Variants in CLTC observed in about 807,000 individuals in gnomAD.
CLTC encodes clathrin heavy chain 1.
In CLTC, 16 loss-of-function variants were observed where a neutral mutation model predicts 195.8. The observed-to-expected ratio is 0.08, with a 90% CI of 0.06 to 0.12. CLTC has a LOEUF of 0.12. Among genes scored for constraint, CLTC ranks in the 10% least tolerant of loss-of-function variants. The pLI is 1.00. For synonymous variants in CLTC, 667 were observed against 689.4 expected (o/e 0.97, Z 0.51); for missense variants, 796 against 2,027.0 (o/e 0.39, Z 11.66).
intron 3 of CLTC, among the ~76,000 whole-genome samples, 187 bp downstream of exon 3, chr17:59,647,853 C>A (rs564207186): frequency 6.6e-6 from 1 of 151,954 alleles, no homozygotes; most frequent in Non-Finnish European, 1.5e-5. Flanking sequence ...TCTTCTTCCT[C>A]GCTCCCTTGC....
chr17:59,671,311 T>A (rs569114197), intron 14 of CLTC, among the ~76,000 whole-genome samples: 2 of 152,168 alleles, frequency 1.3e-5, no homozygotes, highest in African/African-American at 2.4e-5. Flanking sequence ...AGTGAACTTA[T>A]TAGATTCCTT....
chr17:59,654,765 G>A (rs2032423637), intron 5 of CLTC, among the ~76,000 whole-genome samples: 1 of 152,242 alleles, frequency 6.6e-6, no homozygotes, highest in African/African-American at 2.4e-5. Flanking sequence ...ACAGGCATTA[G>A]CCACTGCACT....
rs1255537036 is a variant in CLTC, at chr17:59,683,283, A to C, written c.4041+21A>C. The C allele has an allele frequency of 1.2e-6, 2 of 1,611,750 alleles. No individual in the cohort carries two copies. Among genetic ancestry groups the C allele is most frequent in the South Asian group, 2.2e-5 (2 of 90,994 alleles). On this transcript the variant is annotated intron_variant, in intron 25 of 31. Transcript: ENST00000269122. This position sits in a 1 kb window ranked among gnomAD's most constrained non-coding sequence, Gnocchi z 6.1. Reference sequence around the variant, plus strand: ...CCAAGGTAACCAGTCATTGTAACACAGTGAAGCAACTGTGTAGTTAAAACT... The same window carrying C: ...CCAAGGTAACCAGTCATTGTAACACCGTGAAGCAACTGTGTAGTTAAAACT...
intron 1 of CLTC, among the ~76,000 whole-genome samples, chr17:59,632,796 T>A (rs1029955302): frequency 1.3e-5 from 2 of 152,208 alleles, no homozygotes; most frequent in Non-Finnish European, 2.9e-5. Flanking sequence ...CTTCACTTGT[T>A]TTTAGAAGAC....
intron 5 of CLTC, among the ~76,000 whole-genome samples, chr17:59,655,329 TC>T (rs2032438796): frequency 6.6e-6 from 1 of 152,184 alleles, no homozygotes; most frequent in East Asian, 1.9e-4. Context: ...ATTTATCAGT[TC>T]AGTTTGCTGT....
chr17:59,673,322 T>C (rs2032895486), intron 14 of CLTC, among the ~76,000 whole-genome samples: 1 of 152,208 alleles, frequency 6.6e-6, no homozygotes, highest in African/African-American at 2.4e-5. Flanking sequence ...GGTAGAAGTG[T>C]TATTACCAGT....
intron 10 of CLTC, among the ~76,000 whole-genome samples, chr17:59,665,574 C>G (rs916623132): frequency 6.6e-6 from 1 of 152,058 alleles, no homozygotes; most frequent in Non-Finnish European, 1.5e-5. Context: ...TGCGGTGGCT[C>G]AGGCCTGTAA....
At chr17:59,684,816 G>GAAAAAAAAAAAAAAAAAAAAAAAAAA (rs61595408) in intron 28 of CLTC, among the ~76,000 whole-genome samples, 1 of 146,324 alleles carries the variant, frequency 6.8e-6, no homozygotes, top group African/African-American at 2.5e-5. Context: ...CAAAAAAAAA[G>GAAAAAAAAAAAAAAAAAAAAAAAAAA]AAAAAAATCT....
At chr17:59,664,052 T>C in intron 9 of CLTC, 58 bp downstream of exon 9, 1 of 1,417,022 alleles carries the variant, frequency 7.1e-7, no homozygotes, top group Non-Finnish European at 9.8e-7. Flanking sequence ...ACAGAGAAAT[T>C]AGCCTGTATT....
intron 1 of CLTC, among the ~76,000 whole-genome samples, chr17:59,634,244 G>T (rs975418356): frequency 7.2e-5 from 11 of 152,026 alleles, no homozygotes; most frequent in Non-Finnish European, 1.0e-4. Flanking sequence ...GGTAGGTTTG[G>T]ATATATTCTG....
At chr17:59,692,971 T>C (rs1286720546) in intron 31 of CLTC, among the ~76,000 whole-genome samples, 2 of 152,180 alleles carry the variant, frequency 1.3e-5, no homozygotes, top group East Asian at 1.9e-4. Context: ...AACTGCTGTC[T>C]CTAAATTAGT....
Position 59,660,594 on chromosome 17 carries a change from GAGT to G in CLTC, c.1167+7_1167+9del. On this transcript the variant is annotated splice_region_variant and intron_variant, in intron 7 of 31. Coordinates refer to ENST00000269122, the MANE Select transcript of CLTC (RefSeq NM_004859.4). ...TGGCTGCTAATGCACCAAAGGTAAA[GAGT>G]TATGAAAATGAAGTTGTCATGACAT... 1 of 1,613,576 alleles carries G rather than the reference GAGT, an allele frequency of 6.2e-7. No individual in the cohort carries two copies. Among genetic ancestry groups the G allele is most frequent in the Non-Finnish European group, 8.5e-7 (1 of 1,179,520 alleles).
At position 59,666,206 on chromosome 17, in the gene CLTC, G is replaced by A; in HGVS notation, c.1748G>A (p.Arg583Gln). 6.2e-7 allele frequency: 1 copy of A among 1,613,950 alleles called. No homozygotes were observed. The highest frequency in any genetic ancestry group is 8.5e-7 in the Non-Finnish European group (1 of 1,179,936). The change falls in exon 11 of 32, where the codon CGG becomes CAG. Residue 583 changes from arginine (R) to glutamine (Q), a missense_variant. Transcript: ENST00000269122. This position sits in a 1 kb window ranked among gnomAD's most constrained non-coding sequence, Gnocchi z 4.9. ...CCATCTGAAGGTCCTTTACAGACGC[G>A]GTTACTTGAGATGAACCTTATGCAT... is the stretch of plus-strand genomic sequence containing the variant. Reference protein sequence around the residue: ...NRPSEGPLQTRLLEMNLMHAP... With the variant: ...NRPSEGPLQTQLLEMNLMHAP...
At chr17:59,665,411 A>G (rs2032706814) in intron 10 of CLTC, among the ~76,000 whole-genome samples, 1 of 152,196 alleles carries the variant, frequency 6.6e-6, no homozygotes, top group Non-Finnish European at 1.5e-5. Flanking sequence ...TATTAAAAAT[A>G]TGAAAAATAC....
At position 59,683,080 on chromosome 17, in the gene CLTC, A is replaced by G. The variant is rs1236917352; in HGVS notation, c.3874-15A>G. 1.2e-6 allele frequency: 2 copies of G among 1,613,966 alleles called. No individual in the cohort carries two copies. The highest frequency in any genetic ancestry group is 1.1e-5 in the South Asian group (1 of 91,086). The stretch of plus-strand genomic sequence containing the variant: ...TAGATATTCTTATCTTTAACTGCAC[A>G]TTTCTCTTGTTCAGGATCGTGGCTA... On this transcript the variant is annotated splice_polypyrimidine_tract_variant and intron_variant, in intron 24 of 31. Coordinates refer to ENST00000269122, the MANE Select transcript of CLTC (RefSeq NM_004859.4). This position sits in a 1 kb window ranked among gnomAD's most constrained non-coding sequence, Gnocchi z 6.1.
rs758413979 is a variant in CLTC at position 59,695,825 on chromosome 17, C to T, written c.*1973C>T. ...GCTTTTGCACCCTCAGTGCAAATAT[C>T]AACACAGAGAAAAAAAAAATAATAA... On this transcript the variant is annotated 3_prime_UTR_variant, in exon 32 of 32. Coordinates refer to ENST00000269122, the MANE Select transcript of CLTC (RefSeq NM_004859.4). 1.8e-5 allele frequency: 3 copies of T among 162,378 alleles called. No homozygotes were observed. Among genetic ancestry groups the T allele is most frequent in the Non-Finnish European group, 3.7e-5 (3 of 81,944 alleles). The allele number at this position is 162,378 out of a possible 1,614,324, so 10.1% of individuals were successfully genotyped here.
chr17:59,661,728 A>T lies in CLTC; in HGVS notation c.1368+85A>T. 4 of 1,105,026 alleles carry T rather than the reference A, an allele frequency of 3.6e-6. No individual in the cohort carries two copies. In the South Asian group the frequency reaches 5.2e-5, roughly 14 times the overall value. 68.5% of individuals were successfully genotyped at this position (1,105,026 alleles called of 1,614,324 possible). A position where few individuals can be genotyped will look rare whatever the true frequency, so the allele number is the denominator to read the frequency against. On this transcript the variant is annotated intron_variant, in intron 8 of 31. Transcript: ENST00000269122. ...GTTAAAATCATTTAGGCTGCACCAC[A>T]ATGTCTCCATTACTGCTGGTAGAAA...
At chr17:59,640,274 G>T (rs1255825696) in intron 1 of CLTC, among the ~76,000 whole-genome samples, 1 of 152,126 alleles carries the variant, frequency 6.6e-6, no homozygotes, top group Non-Finnish European at 1.5e-5. Context: ...AATATGGGAA[G>T]AATTGCTGAG....
At chr17:59,688,924 C>T (rs1251854388) in intron 30 of CLTC, among the ~76,000 whole-genome samples, 1 of 152,084 alleles carries the variant, frequency 6.6e-6, no homozygotes, top group African/African-American at 2.4e-5. Flanking sequence ...GTAGCTCTTT[C>T]TTGAATACTG....
Sources: gnomAD v4.1 joint callset for allele counts (sites outside exome capture counted in the v4.1 genomes callset) on GRCh38, gnomAD v4.1.1 for gene constraint, Gnocchi (gnomAD v3.1) non-coding constraint, MANE v1.5 for transcripts, NCBI Gene and HGNC (gene_info 2026-07-23, HGNC 2026-07-21) for gene names.